The following PTPRD variants were observed in gnomAD, a reference collection of about 807,000 sequenced individuals.
The protein encoded by PTPRD is protein tyrosine phosphatase receptor type D.
A neutral mutation model predicts 214.5 loss-of-function variants in PTPRD; 34 were observed. The ratio of observed to expected loss-of-function variants is 0.16; its 90% CI spans 0.12 to 0.21. The LOEUF (loss-of-function observed/expected upper bound fraction) is 0.21. PTPRD is among the 10% of genes least tolerant of loss of function. The pLI, the probability that PTPRD is intolerant of heterozygous loss-of-function variation, is 1.00. For missense variants in PTPRD, 2,545 were observed against 2,398.7 expected, an observed-to-expected ratio of 1.06 and a Z score of -1.27; for synonymous variants, 1,128 against 845.7, an observed-to-expected ratio of 1.33 and a Z score of -5.79.
chr9:8,592,853 C>G (rs148989325), intron 14 of PTPRD, among the ~76,000 whole-genome samples: 1 of 152,126 alleles, frequency 6.6e-6, no homozygotes, highest in Non-Finnish European at 1.5e-5. Context: ...CTTTACTGAA[C>G]GAAGTCAAAG....
At chr9:10,035,381 G>C (rs1188562111) in intron 3 of PTPRD, among the ~76,000 whole-genome samples, 1 of 151,870 alleles carries the variant, frequency 6.6e-6, no homozygotes, top group African/African-American at 2.4e-5. Context: ...CTCCCATTCT[G>C]TAAGTCGTCT....
intron 11 of PTPRD, among the ~76,000 whole-genome samples, chr9:8,819,868 C>T (rs1191541582): frequency 1.3e-5 from 2 of 152,132 alleles, no homozygotes; most frequent in Non-Finnish European, 2.9e-5. Flanking sequence ...AAAGATCACA[C>T]TGGGGCTCTC....
chr9:10,232,602 T>A (rs1436338631), intron 3 of PTPRD, among the ~76,000 whole-genome samples: 3 of 151,892 alleles, frequency 2.0e-5, no homozygotes, highest in Non-Finnish European at 4.4e-5. Flanking sequence ...ATCTCCAGAG[T>A]CTTGTAATTA....
In PTPRD at chr9:10,180,813, T is replaced by C. The variant is rs1057151591; in HGVS notation, c.-544-147023A>G. On this transcript the variant is annotated intron_variant, in intron 3 of 45. Coordinates refer to ENST00000381196, the MANE Select transcript of PTPRD (RefSeq NM_002839.4). ...ACATGTATCAGTCAAAGGATAGAAA[T>C]CACATGATCATCTCATTTATGCAGG... Among the ~76,000 whole-genome samples, 3 of 151,936 alleles carry C rather than the reference T, an allele frequency of 2.0e-5. No individual in the cohort carries two copies. In the East Asian group the frequency reaches 5.8e-4, roughly 29 times the overall value.
chr9:10,211,765 G>C (rs911081503), intron 3 of PTPRD, among the ~76,000 whole-genome samples: 3 of 152,070 alleles, frequency 2.0e-5, no homozygotes, highest in Non-Finnish European at 4.4e-5. Context: ...CATGGACATA[G>C]AGCACAGAAT....
At chr9:9,651,835 T>G (rs2096364322) in intron 7 of PTPRD, among the ~76,000 whole-genome samples, 1 of 130,190 alleles carries the variant, frequency 7.7e-6, no homozygotes, top group Non-Finnish European at 1.6e-5. Flanking sequence ...TGTTTTTTTT[T>G]TTTTTTTTTT....
chr9:10,065,141 T>TAGAAAGAAAGAAAGAAAGAAAGAA (rs554379074), intron 3 of PTPRD, among the ~76,000 whole-genome samples: 12,690 of 106,562 alleles, frequency 0.12, 1,188 homozygotes, highest in East Asian at 0.15. Context: ...TGACTTGGAT[T>TAGAAAGAAAGAAAGAAAGAAAGAA]AGAAAGAAAG....
chr9:9,818,373 G>A (rs1475399060), intron 5 of PTPRD, among the ~76,000 whole-genome samples: 1 of 152,086 alleles, frequency 6.6e-6, no homozygotes, highest in Non-Finnish European at 1.5e-5. Context: ...TGTTTCTTCT[G>A]CTCATTAACC....
chr9:8,338,352 C>A (rs1183237279), intron 43 of PTPRD, among the ~76,000 whole-genome samples: 1 of 152,034 alleles, frequency 6.6e-6, no homozygotes, highest in Non-Finnish European at 1.5e-5. Flanking sequence ...TGAAAATTAG[C>A]CAACAAGGGT....
chr9:10,487,858 C>T (rs2099142758), intron 2 of PTPRD, among the ~76,000 whole-genome samples: 1 of 150,654 alleles, frequency 6.6e-6, no homozygotes. Flanking sequence ...AAAAAGGAGA[C>T]TTGTAGAGGT....
intron 11 of PTPRD, among the ~76,000 whole-genome samples, chr9:9,008,245 T>TTTATTTATTTA (rs1289588309): frequency 1.1e-4 from 2 of 18,874 alleles, no homozygotes; most frequent in Admixed American, 1.1e-3. Context: ...TTATTTATTT[T>TTTATTTATTTA]TGAGACAGAG....
chr9:10,555,559 A>T (rs2062362764), intron 2 of PTPRD, among the ~76,000 whole-genome samples: 1 of 152,190 alleles, frequency 6.6e-6, no homozygotes, highest in Admixed American at 6.5e-5. Context: ...CATTCGATCA[A>T]ACAAGATTAG....
At chr9:8,738,149 A>C (rs1053841105) in intron 11 of PTPRD, among the ~76,000 whole-genome samples, 16 of 152,218 alleles carry the variant, frequency 1.1e-4, no homozygotes, top group Non-Finnish European at 2.2e-4. Context: ...GGTTGGAGAA[A>C]CTAACAGTTC....
chr9:10,024,842 C>T (rs575887696), intron 4 of PTPRD, among the ~76,000 whole-genome samples: 1 of 140,592 alleles, frequency 7.1e-6, no homozygotes, highest in Non-Finnish European at 1.5e-5. Context: ...CATGTGTTCT[C>T]ATTGTTCAAT....
chr9:10,013,396 G>T (rs1300686825), intron 4 of PTPRD, among the ~76,000 whole-genome samples: 1 of 151,762 alleles, frequency 6.6e-6, no homozygotes, highest in African/African-American at 2.4e-5. Flanking sequence ...AATCAATCCT[G>T]ATTTATGTTA....
intron 7 of PTPRD, among the ~76,000 whole-genome samples, chr9:9,713,900 T>C (rs778058257): frequency 3.7e-4 from 56 of 152,032 alleles, no homozygotes; most frequent in Non-Finnish European, 6.8e-4. Context: ...AACTTATGTT[T>C]CTACAGTGTA....
intron 7 of PTPRD, among the ~76,000 whole-genome samples, chr9:9,633,286 A>G (rs10977901): frequency 0.18 from 27,100 of 151,490 alleles, 2,763 homozygotes; most frequent in African/African-American, 0.28. Context: ...TGGGAGAGAG[A>G]GTGAGACTCC....
intron 9 of PTPRD, among the ~76,000 whole-genome samples, chr9:9,273,170 T>C (rs1658267481): frequency 6.6e-6 from 1 of 151,358 alleles, no homozygotes; most frequent in Non-Finnish European, 1.5e-5. Flanking sequence ...AGAAATATTA[T>C]TATGTCAATA....
At chr9:8,683,502 T>C (rs1208948629) in intron 12 of PTPRD, among the ~76,000 whole-genome samples, 1 of 152,128 alleles carries the variant, frequency 6.6e-6, no homozygotes, top group East Asian at 1.9e-4. Flanking sequence ...AAGCCTCCAA[T>C]TCAGCTCCAA....
Sources: gnomAD v4.1 joint callset for allele counts (sites outside exome capture counted in the v4.1 genomes callset) on GRCh38, gnomAD v4.1.1 for gene constraint, MANE v1.5 for transcripts, NCBI Gene and HGNC (gene_info 2026-07-23, HGNC 2026-07-21) for gene names.